SLC1A3: variants seen among roughly 807,000 people sequenced by gnomAD.
SLC1A3 encodes solute carrier family 1 member 3, also known as excitatory amino acid transporter 1.
Under a neutral mutation model 48.1 loss-of-function variants are expected in SLC1A3, and 21 were observed. The ratio of observed to expected loss-of-function variants is 0.44; its 90% confidence interval spans 0.31 to 0.63. The LOEUF (loss-of-function observed/expected upper bound fraction) is 0.63, where lower values mean the gene tolerates loss of function less well. Among genes scored for constraint, SLC1A3 ranks in the 20% least tolerant of loss-of-function variants. SLC1A3 has a pLI of 0.08. For missense variants in SLC1A3, 546 were observed against 689.0 expected (o/e 0.79, Z 2.32); for synonymous variants, 239 against 251.4 (o/e 0.95, Z 0.47).
At chr5:36,626,781 A>G (rs1361438327) in intron 2 of SLC1A3, among the ~76,000 whole-genome samples, 1 of 152,252 alleles carries the variant, frequency 6.6e-6, no homozygotes, top group African/African-American at 2.4e-5. Context: ...AAAGTATTTT[A>G]TTAATTCCTA....
intron 3 of SLC1A3, among the ~76,000 whole-genome samples, chr5:36,653,555 T>A (rs1312260314): frequency 1.3e-5 from 2 of 152,232 alleles, no homozygotes; most frequent in Non-Finnish European, 2.9e-5. Context: ...TTACAGTTGT[T>A]CCTGACAGCA....
At chr5:36,663,054 G>A (rs1385898278) in intron 3 of SLC1A3, among the ~76,000 whole-genome samples, 1 of 152,134 alleles carries the variant, frequency 6.6e-6, no homozygotes, top group African/African-American at 2.4e-5. Flanking sequence ...CAGAGAAAAG[G>A]GATTGTCTGC....
chr5:36,681,419 T>A (rs3733812), intron 8 of SLC1A3, among the ~76,000 whole-genome samples: 2 of 152,258 alleles, frequency 1.3e-5, no homozygotes, highest in East Asian at 3.9e-4. Flanking sequence ...GTATAGATAC[T>A]ACTAGAAAAT....
In SLC1A3 at chr5:36,628,565, A is replaced by C. The variant is rs553094081; in HGVS notation, c.182-885A>C. Among the ~76,000 whole-genome samples the C allele has an allele frequency of 1.5e-4, 23 of 152,356 alleles. 1 individual carries two copies. The highest frequency in any genetic ancestry group is 4.3e-4 in the African/African-American group (18 of 41,592). On this transcript the variant is annotated intron_variant, in intron 2 of 9. Coordinates refer to ENST00000265113, the MANE Select transcript of SLC1A3 (RefSeq NM_004172.5). Reference sequence around the variant, plus strand: ...CTTTAAAAACATTTACAACACTGGCATAAGTAAATTTTCTTTGGCAAGGAA... The same window carrying C: ...CTTTAAAAACATTTACAACACTGGCCTAAGTAAATTTTCTTTGGCAAGGAA...
At chr5:36,608,113 A>T (rs949241001) in intron 1 of SLC1A3, 3 of 292,190 alleles carry the variant, frequency 1.0e-5, no homozygotes, top group East Asian at 1.4e-4. Context: ...ACGGATTTTT[A>T]AAAAGAAAAT....
intron 3 of SLC1A3, among the ~76,000 whole-genome samples, chr5:36,646,032 C>A (rs1740827545): frequency 6.6e-6 from 1 of 152,224 alleles, no homozygotes; most frequent in African/African-American, 2.4e-5. Flanking sequence ...GATTACAAGA[C>A]ATTCCTTTTG....
Position 36,625,210 on chromosome 5 carries a change from C to A in SLC1A3, c.182-4240C>A, listed in dbSNP as rs527683355. Among the ~76,000 whole-genome samples, 7 of 152,380 alleles carry A rather than the reference C, an allele frequency of 4.6e-5. No homozygotes were observed. In the East Asian group the frequency reaches 1.3e-3, roughly 29 times the overall value. On this transcript the variant is annotated intron_variant, in intron 2 of 9. Transcript: ENST00000265113. ...CAGTGGCTCACGCCTGTAATCCTAGCACTTCGGGAAGCCGAGGCAGGCGGA... is the reference window on the plus strand; with the variant it reads ...CAGTGGCTCACGCCTGTAATCCTAGAACTTCGGGAAGCCGAGGCAGGCGGA...
chr5:36,612,797 G>T (rs1739263381), intron 2 of SLC1A3: 1 of 456,140 alleles, frequency 2.2e-6, no homozygotes. Flanking sequence ...AATACTGAGT[G>T]GGATTCAAAT....
chr5:36,663,543 G>C (rs1741608623), intron 3 of SLC1A3, among the ~76,000 whole-genome samples: 1 of 151,872 alleles, frequency 6.6e-6, no homozygotes, highest in Non-Finnish European at 1.5e-5. Context: ...GCCCGGCCCT[G>C]CACTTAGTTT....
intron 2 of SLC1A3, among the ~76,000 whole-genome samples, chr5:36,624,258 T>C (rs1320396656): frequency 6.6e-6 from 1 of 152,220 alleles, no homozygotes; most frequent in Non-Finnish European, 1.5e-5. Context: ...ATTTAGTTAA[T>C]GTCATTCAAA....
chr5:36,666,766 G>A (rs565394624), intron 3 of SLC1A3, among the ~76,000 whole-genome samples: 1 of 152,150 alleles, frequency 6.6e-6, no homozygotes, highest in Non-Finnish European at 1.5e-5. Context: ...TATACCATAA[G>A]AGATCTAATT....
At chr5:36,614,174 A>C (rs1739332194) in intron 2 of SLC1A3, among the ~76,000 whole-genome samples, 2 of 152,234 alleles carry the variant, frequency 1.3e-5, no homozygotes, top group South Asian at 4.1e-4. Flanking sequence ...GCTATGCACA[A>C]GCCATATCAC....
intron 3 of SLC1A3, chr5:36,636,471 C>A (rs1740370821): frequency 1.3e-5 from 1 of 78,812 alleles, no homozygotes; most frequent in African/African-American, 5.5e-5. Flanking sequence ...TCTTTTCTTT[C>A]TTTCTTTCTT....
At chr5:36,668,382 T>G (rs541739407) in intron 3 of SLC1A3, 1 of 152,242 alleles carries the variant, frequency 6.6e-6, no homozygotes, top group Non-Finnish European at 1.5e-5. Flanking sequence ...GTGAACAGAT[T>G]GCACACATCT....
chr5:36,662,909 C>G (rs1432820320), intron 3 of SLC1A3, among the ~76,000 whole-genome samples: 2 of 152,222 alleles, frequency 1.3e-5, no homozygotes, highest in East Asian at 3.9e-4. Context: ...CCGGGAGAGG[C>G]AGTCTCCACC....
intron 4 of SLC1A3, among the ~76,000 whole-genome samples, chr5:36,673,769 T>A (rs181515030): frequency 6.6e-6 from 1 of 152,286 alleles, no homozygotes; most frequent in East Asian, 1.9e-4. Flanking sequence ...TTATTCCTAG[T>A]AGCAGGGTTT....
chr5:36,602,368 G>A (rs910630350), upstream of SLC1A3, among the ~76,000 whole-genome samples: 7 of 152,190 alleles, frequency 4.6e-5, 1 homozygote, highest in South Asian at 4.2e-4. Flanking sequence ...GTATTATCAC[G>A]AAGATTAAAT....
chr5:36,614,594 C>T (rs1470991804), intron 2 of SLC1A3, among the ~76,000 whole-genome samples: 6 of 152,176 alleles, frequency 3.9e-5, no homozygotes, highest in Admixed American at 2.0e-4. Flanking sequence ...GTGGAGGGGG[C>T]GCCTGACAGT....
intron 3 of SLC1A3, among the ~76,000 whole-genome samples, chr5:36,632,788 G>C (rs747767141): frequency 6.6e-6 from 1 of 152,188 alleles, no homozygotes; most frequent in Non-Finnish European, 1.5e-5. Flanking sequence ...TAAATTCTGA[G>C]ACATCTAAGT....
Sources: allele counts gnomAD v4.1 joint callset (sites outside exome capture counted in the v4.1 genomes callset), GRCh38; gene constraint gnomAD v4.1.1; transcripts MANE v1.5; gene names NCBI Gene and HGNC (gene_info 2026-07-23, HGNC 2026-07-21).